The following ATP5PD variants were observed in gnomAD, a reference collection of about 807,000 sequenced individuals.
The protein encoded by ATP5PD is ATP synthase peripheral stalk subunit d, mitochondrial.
A neutral mutation model predicts 22.6 loss-of-function variants in ATP5PD; 13 were observed. The observed-to-expected ratio is 0.58, with a 90% CI of 0.37 to 0.91. The LOEUF (loss-of-function observed/expected upper bound fraction) is 0.91, where lower values mean the gene tolerates loss of function less well. ATP5PD is among the 40% of genes least tolerant of loss of function. The pLI is 0.00. For missense variants in ATP5PD, 165 were observed against 188.0 expected, an observed-to-expected ratio of 0.88 and a Z score of 0.72; for synonymous variants, 51 against 65.0, an observed-to-expected ratio of 0.79 and a Z score of 1.03.
intron 3 of ATP5PD, 71 bp from the exon 4 acceptor site, chr17:75,040,234 A>G (rs1045657810): frequency 1.3e-5 from 21 of 1,583,308 alleles, no homozygotes; most frequent in Non-Finnish European, 1.6e-5. Context: ...GTCGTCGCCA[A>G]TACACCCAGG....
intron 3 of ATP5PD, chr17:75,040,430 G>T (rs2073147341): frequency 4.5e-6 from 2 of 447,576 alleles, no homozygotes; most frequent in Admixed American, 7.9e-5. Flanking sequence ...ATGATGATAA[G>T]CTTCATTTTC....
chr17:75,043,679 A>C (rs1217894280), intron 1 of ATP5PD, among the ~76,000 whole-genome samples: 1 of 152,104 alleles, frequency 6.6e-6, no homozygotes, highest in Admixed American at 6.5e-5. Flanking sequence ...AAAATTACTA[A>C]AAATAACACT....
rs752152162 is a variant in ATP5PD, at chr17:75,042,162, T to G, written c.219+19A>C. ...CAGGCATGTTACAAGCTCAGTGCTT[T>G]AGAGGTGTGAAGTCTCACCTTCTTC... On this transcript the variant is annotated intron_variant, in intron 3 of 5. Transcript: ENST00000301587. 6.2e-7 allele frequency: 1 copy of G among 1,606,328 alleles called. No homozygotes were observed. The highest frequency in any genetic ancestry group is 1.3e-5 in the African/African-American group (1 of 74,882).
chr17:75,044,307 G>A (rs2073190904), intron 1 of ATP5PD, among the ~76,000 whole-genome samples: 1 of 114,176 alleles, frequency 8.8e-6, no homozygotes, highest in East Asian at 3.3e-4. Flanking sequence ...CCGGGTTCAC[G>A]CCATTCTCCT....
chr17:75,045,053 C>T (rs982078827), intron 1 of ATP5PD, among the ~76,000 whole-genome samples: 6 of 152,156 alleles, frequency 3.9e-5, no homozygotes, highest in Non-Finnish European at 8.8e-5. Flanking sequence ...TTTTCCTAAG[C>T]GTCGACTGGC....
chr17:75,046,368 C>T (rs2073216513), intron 1 of ATP5PD, among the ~76,000 whole-genome samples: 1 of 152,214 alleles, frequency 6.6e-6, no homozygotes, highest in African/African-American at 2.4e-5. Context: ...AGGCGTGAGC[C>T]ACCGCGCCCG....
intron 4 of ATP5PD, 34 bp downstream of exon 4, chr17:75,040,058 A>T: frequency 6.2e-7 from 1 of 1,611,008 alleles, no homozygotes; most frequent in Non-Finnish European, 8.5e-7. Context: ...AGATCAAGAG[A>T]ATTTTAGAAT....
chr17:75,039,946 G>A (rs1443933920), intron 4 of ATP5PD, 146 bp downstream of exon 4: 6 of 806,232 alleles, frequency 7.4e-6, no homozygotes, highest in South Asian at 6.8e-5. Context: ...TTTGAAATTC[G>A]TCCATGTTGT....
At position 75,042,389 on chromosome 17, in the gene ATP5PD, T is replaced by A. The variant is rs1020683067; in HGVS notation, c.123-112A>T. On this transcript the variant is annotated intron_variant, in intron 2 of 5. Coordinates refer to ENST00000301587, the MANE Select transcript of ATP5PD (RefSeq NM_006356.3). ...CCTGGAGGGTCACCACACTTTCCTC[T>A]CCTAAGATCATCATGAAAATGCAAG... 9.8e-5 allele frequency: 146 copies of A among 1,496,760 alleles called. No individual in the cohort carries two copies. In the Middle Eastern group the frequency reaches 1.8e-3, roughly 18 times the overall value. 92.7% of individuals were successfully genotyped at this position (1,496,760 alleles called of 1,614,324 possible).
rs201437197 is a variant in ATP5PD, at chr17:75,042,184, C to A, written c.216G>T (p.Lys72Asn). The A allele has an allele frequency of 8.0e-5, 129 of 1,613,650 alleles. No homozygotes were observed. Among genetic ancestry groups the A allele is most frequent in the South Asian group, 1.6e-4 (15 of 90,992 alleles). Residue 72 changes from lysine (K) to asparagine (N), a missense_variant, in exon 3 of 6, where the codon AAG (lysine) becomes AAT (asparagine). Transcript: ENST00000301587. ...CTTTAGAGGTGTGAAGTCTCACCTT[C>A]TTCTCAAAGTCATCCACCAAGCCAG... Reference protein sequence around the residue: ...AKAGLVDDFEKKFNALKVPVP... With the variant: ...AKAGLVDDFENKFNALKVPVP...
intron 1 of ATP5PD, 108 bp downstream of exon 1, chr17:75,046,817 G>T (rs2073224703): frequency 6.6e-6 from 1 of 152,456 alleles, no homozygotes; most frequent in African/African-American, 2.4e-5. Context: ...GCAAGCCGAG[G>T]GCCCAGCGTC....
Position 75,038,922 on chromosome 17 carries a change from G to A in ATP5PD, c.*10C>T. Reference sequence around the variant, plus strand: ...AATACAAGGGCCAGAGCTTCCTCCTGGACTCAATTTTATAAATTCTCAATT... The same window carrying A: ...AATACAAGGGCCAGAGCTTCCTCCTAGACTCAATTTTATAAATTCTCAATT... On this transcript the variant is annotated 3_prime_UTR_variant, in exon 6 of 6. Transcript: ENST00000301587. The A allele has an allele frequency of 1.2e-6, 2 of 1,611,718 alleles. No individual in the cohort carries two copies. Among genetic ancestry groups the A allele is most frequent in the South Asian group, 2.2e-5 (2 of 90,588 alleles).
At chr17:75,044,237 C>T (rs1302256909) in intron 1 of ATP5PD, among the ~76,000 whole-genome samples, 178 of 87,794 alleles carry the variant, frequency 2.0e-3, no homozygotes, top group African/African-American at 8.2e-3. Flanking sequence ...CTCGCTCTGT[C>T]GCCCAGGCCG....
chr17:75,040,403 AC>A (rs2073147017), intron 3 of ATP5PD: 4 of 507,998 alleles, frequency 7.9e-6, no homozygotes, highest in Non-Finnish European at 1.4e-5. Flanking sequence ...CTAACTCGGA[AC>A]CCTGGACAAT....
chr17:75,040,146 A>G lies in ATP5PD; in HGVS notation c.237T>C (p.Val79=). 1 of 1,611,716 alleles carries G rather than the reference A, an allele frequency of 6.2e-7. No homozygotes were observed. Among genetic ancestry groups the G allele is most frequent in the Non-Finnish European group, 8.5e-7 (1 of 1,179,584 alleles). ...DFEKKFNALK[V]PVPEDKYTAQ... is the part of the protein sequence containing the mutation. The stretch of plus-strand genomic sequence containing the variant: ...CAGTATATTTATCCTCTGGCACGGG[A>G]ACCTTCAGCGCATTAAACTACAAAC... The change falls in exon 4 of 6, where the codon GTT becomes GTC. Residue 79 remains valine (V), a synonymous_variant. Transcript: ENST00000301587.
chr17:75,042,830 G>A (rs571087228), intron 1 of ATP5PD, among the ~76,000 whole-genome samples, 171 bp from the exon 2 acceptor site: 8 of 152,072 alleles, frequency 5.3e-5, no homozygotes, highest in Admixed American at 2.6e-4. Context: ...GCAGTGAGTC[G>A]AGACTGCATC....
chr17:75,046,224 A>G (rs1029833914), intron 1 of ATP5PD, among the ~76,000 whole-genome samples: 13 of 152,184 alleles, frequency 8.5e-5, no homozygotes, highest in African/African-American at 2.6e-4. Context: ...CTGGGATTAT[A>G]GGGGCCTTCC....
intron 4 of ATP5PD, 176 bp downstream of exon 4, chr17:75,039,916 C>T: frequency 4.3e-6 from 3 of 699,156 alleles, no homozygotes; most frequent in Non-Finnish European, 7.4e-6. Context: ...TTGTTGGCTT[C>T]TTTCACTCCG....
intron 3 of ATP5PD, chr17:75,040,418 T>A: frequency 2.1e-6 from 1 of 472,944 alleles, no homozygotes; most frequent in Non-Finnish European, 3.8e-6. Flanking sequence ...GGACAATTCT[T>A]TATGATGATA....
Sources: gnomAD v4.1 joint callset for allele counts (sites outside exome capture counted in the v4.1 genomes callset) on GRCh38, gnomAD v4.1.1 for gene constraint, MANE v1.5 for transcripts, NCBI Gene and HGNC (gene_info 2026-07-23, HGNC 2026-07-21) for gene names.